The following SLC2A7 variants were observed in gnomAD, a reference collection of about 807,000 sequenced individuals.
SLC2A7 encodes the protein solute carrier family 2 member 7.
Under a neutral mutation model 50.5 loss-of-function variants are expected in SLC2A7, and 50 were observed. That is an observed-to-expected ratio of 0.99 (90% CI 0.79 to 1.25). The LOEUF (loss-of-function observed/expected upper bound fraction) is 1.25. SLC2A7 is among the 50% of genes most tolerant of loss of function. The pLI is 0.00. For synonymous variants in SLC2A7, 308 were observed against 300.4 expected, an observed-to-expected ratio of 1.03 and a Z score of -0.26; for missense variants, 683 against 679.1, an observed-to-expected ratio of 1.01 and a Z score of -0.06.
chr1:9,012,069 C>T (rs1640758286), intron 8 of SLC2A7, among the ~76,000 whole-genome samples: 1 of 152,006 alleles, frequency 6.6e-6, no homozygotes, highest in Non-Finnish European at 1.5e-5. Context: ...CTTCTAATAC[C>T]ATTTCCATTC....
At chr1:9,019,367 C>T (rs770430036) in intron 3 of SLC2A7, 34 bp from the exon 4 acceptor site, 16 of 1,610,036 alleles carry the variant, frequency 9.9e-6, no homozygotes, top group East Asian at 2.2e-5. Flanking sequence ...GGCAGGGGTG[C>T]GTGGAGGCCG....
At chr1:9,006,553 A>G (rs1490873925) in intron 10 of SLC2A7, among the ~76,000 whole-genome samples, 1 of 152,228 alleles carries the variant, frequency 6.6e-6, no homozygotes, top group Non-Finnish European at 1.5e-5. Flanking sequence ...TGCCAGGCCT[A>G]AATCCCACTT....
intron 9 of SLC2A7, among the ~76,000 whole-genome samples, chr1:9,009,728 G>A (rs1640717255): frequency 6.6e-6 from 1 of 152,224 alleles, no homozygotes; most frequent in African/African-American, 2.4e-5. Context: ...AAAGTGCTAG[G>A]ATTGCAGGAG....
At chr1:9,014,389 G>A (rs764609611) in intron 7 of SLC2A7, among the ~76,000 whole-genome samples, 2 of 152,364 alleles carry the variant, frequency 1.3e-5, no homozygotes, top group Non-Finnish European at 1.5e-5. Flanking sequence ...TTGGACCCAG[G>A]AGACCTCAGC....
In SLC2A7 at chr1:9,007,162, G is replaced by A. The variant is rs548043707; in HGVS notation, c.1192+148C>T. On this transcript the variant is annotated intron_variant, in intron 10 of 11. Coordinates refer to ENST00000400906, the MANE Select transcript of SLC2A7 (RefSeq NM_207420.3). ...GCACATGGCCTGGAGTGCCATCAAGGCTGAGAACTAAGAACGTGTGGGATC... is the reference window on the plus strand; with the variant it reads ...GCACATGGCCTGGAGTGCCATCAAGACTGAGAACTAAGAACGTGTGGGATC... 1.8e-4 allele frequency: 157 copies of A among 881,828 alleles called. 1 individual carries two copies. In the African/African-American group the frequency reaches 2.1e-3, roughly 12 times the overall value. The allele number at this position is 881,828 out of a possible 1,614,324, so 54.6% of individuals were successfully genotyped here. A position where few individuals can be genotyped will look rare whatever the true frequency, so the allele number is the denominator to read the frequency against.
At chr1:9,021,429 T>A (rs1178748574) in intron 3 of SLC2A7, among the ~76,000 whole-genome samples, 1 of 151,948 alleles carries the variant, frequency 6.6e-6, no homozygotes, top group African/African-American at 2.4e-5. Context: ...TTTGTGATTG[T>A]CTCACACTTT....
rs201372175 is a variant in SLC2A7 at position 9,013,554 on chromosome 1, C to T, written c.985G>A (p.Val329Ile). ...GTGATGGTCATCACTATGTTGACGA[C>T]GCCAGAGCCCACCGTTACATATTGG... ...HSQYVTVGSG[V>I]VNIVMTITSA... The change falls in exon 8 of 12, where the codon GTC (valine) becomes ATC (isoleucine). Residue 329 changes from valine (V) to isoleucine (I), a missense_variant. Transcript: ENST00000400906. 167 of 1,613,804 alleles carry T rather than the reference C, an allele frequency of 1.0e-4. No homozygotes were observed. Among genetic ancestry groups the T allele is most frequent in the Non-Finnish European group, 1.4e-4 (161 of 1,179,996 alleles).
At chr1:9,016,369 C>T (rs1224991134) in intron 5 of SLC2A7, among the ~76,000 whole-genome samples, 3 of 152,146 alleles carry the variant, frequency 2.0e-5, no homozygotes, top group Admixed American at 1.3e-4. Context: ...CTTTGGGAGG[C>T]GGAGGCAGGA....
chr1:9,025,042 C>T lies in SLC2A7; in HGVS notation c.84G>A (p.Leu28=), dbSNP rs2124270429. The T allele has an allele frequency of 1.9e-6, 3 of 1,613,790 alleles. No individual in the cohort carries two copies. The highest frequency in any genetic ancestry group is 2.5e-6 in the Non-Finnish European group (3 of 1,179,998). ...RLQPTLLLAT[L]SAAFGSAFQY... ...GGAAGGCTGAGCCAAAGGCCGCGCT[C>T]AGTGTCGCCAGCAACAGCGTCGGCT... is the stretch of plus-strand genomic sequence containing the variant. The change falls in exon 2 of 12, where the codon CTG becomes CTA. Residue 28 remains leucine, a synonymous_variant. Coordinates refer to ENST00000400906, the MANE Select transcript of SLC2A7 (RefSeq NM_207420.3).
intron 5 of SLC2A7, among the ~76,000 whole-genome samples, 176 bp downstream of exon 5, chr1:9,018,047 C>T (rs1435084205): frequency 6.6e-6 from 1 of 152,096 alleles, no homozygotes; most frequent in East Asian, 1.9e-4. Context: ...CACGATTTGT[C>T]GCCATCACTC....
chr1:9,001,697 T>A (rs1196548903), downstream of SLC2A7, among the ~76,000 whole-genome samples: 2 of 151,994 alleles, frequency 1.3e-5, no homozygotes, highest in Non-Finnish European at 2.9e-5. Flanking sequence ...GGTTTACAGG[T>A]GTGAGTCACC....
rs1369103946 is a variant in SLC2A7 at position 9,018,377 on chromosome 1, T to C, written c.437-2A>G. The C allele has an allele frequency of 5.6e-6, 9 of 1,613,308 alleles. No individual in the cohort carries two copies. In the Admixed American group the frequency reaches 1.0e-4, roughly 18 times the overall value. On this transcript the variant is annotated splice_acceptor_variant, in intron 4 of 11. Coordinates refer to ENST00000400906, the MANE Select transcript of SLC2A7 (RefSeq NM_207420.3). LOFTEE classifies it high-confidence loss of function. ...TGGGAAGGGCGCTGTAGGAGATGCC[T>C]GGTTTGGGCACAGCAGAAATCAGGG...
At chr1:9,021,667 C>T (rs923527272) in intron 3 of SLC2A7, among the ~76,000 whole-genome samples, 1 of 152,198 alleles carries the variant, frequency 6.6e-6, no homozygotes, top group African/African-American at 2.4e-5. Flanking sequence ...GAGCAGCCAC[C>T]AGAGCACATC....
chr1:9,008,617 T>TTA lies in SLC2A7; in HGVS notation c.1117-1233_1117-1232insTA, dbSNP rs55849403. 1.3e-5 allele frequency among the ~76,000 whole-genome samples: 2 copies of TTA among 151,366 alleles called. No individual in the cohort carries two copies. The highest frequency in any genetic ancestry group is 3.9e-4 in the East Asian group (2 of 5,180). ...AACTTATATTGGTTTTTTTTTTTTT[T>TTA]AGACAGAATCTCGCTCTGTCACCCA... On this transcript the variant is annotated intron_variant, in intron 9 of 11. Transcript: ENST00000400906. This position sits in a 1 kb window ranked among gnomAD's most constrained non-coding sequence, Gnocchi z 5.9.
intron 10 of SLC2A7, among the ~76,000 whole-genome samples, chr1:9,005,588 T>C (rs1024683214): frequency 6.6e-6 from 1 of 152,112 alleles, no homozygotes; most frequent in Non-Finnish European, 1.5e-5. Context: ...CACAGATCAC[T>C]GGAGGTCAGG....
intron 10 of SLC2A7, among the ~76,000 whole-genome samples, chr1:9,005,338 T>G (rs927575435): frequency 1.3e-5 from 2 of 152,162 alleles, no homozygotes; most frequent in Admixed American, 6.5e-5. Flanking sequence ...GGGCTACACC[T>G]TCTTGGACAA....
chr1:9,018,844 G>A (rs1640869920), intron 4 of SLC2A7, among the ~76,000 whole-genome samples: 1 of 128,040 alleles, frequency 7.8e-6, no homozygotes, highest in African/African-American at 3.4e-5. Flanking sequence ...ACTTCAAGGT[G>A]AAAGTGTTTC....
intron 3 of SLC2A7, 88 bp from the exon 4 acceptor site, chr1:9,019,421 T>C (rs1300438361): frequency 3.9e-6 from 6 of 1,543,370 alleles, no homozygotes; most frequent in Non-Finnish European, 8.8e-7. Flanking sequence ...GGGCAGTCAC[T>C]ACAGAGGCGC....
chr1:9,011,447 A>C (rs1640747829), intron 8 of SLC2A7, among the ~76,000 whole-genome samples: 1 of 152,210 alleles, frequency 6.6e-6, no homozygotes, highest in South Asian at 2.1e-4. Context: ...TGAGCTCAGG[A>C]GTTCGAAACC....
Sources: gnomAD v4.1 joint callset for allele counts (sites outside exome capture counted in the v4.1 genomes callset) on GRCh38, gnomAD v4.1.1 for gene constraint, Gnocchi (gnomAD v3.1) non-coding constraint, MANE v1.5 for transcripts, NCBI Gene and HGNC (gene_info 2026-07-23, HGNC 2026-07-21) for gene names.